The following HDAC9 variants were observed in gnomAD, a reference collection of about 807,000 sequenced individuals.
HDAC9 encodes MEF-2 interacting transcription repressor (MITR) protein.
In HDAC9, 41 loss-of-function variants were observed where a neutral mutation model predicts 139.4. The ratio of observed to expected loss-of-function variants is 0.29; its 90% CI spans 0.23 to 0.38. The LOEUF (loss-of-function observed/expected upper bound fraction) is 0.38. Ranked by LOEUF, HDAC9 falls within the 10% of genes least tolerant of loss-of-function variation. The probability of loss-of-function intolerance (pLI) is 1.00; values close to 1 mark genes in which losing one functional copy is unlikely to be tolerated. For synonymous variants in HDAC9, 517 were observed against 476.2 expected (o/e 1.09, Z -1.12); for missense variants, 1,147 against 1,297.0 (o/e 0.88, Z 1.78).
chr7:18,810,210 AAAC>A (rs1011682045), intron 17 of HDAC9, among the ~76,000 whole-genome samples: 35 of 151,918 alleles, frequency 2.3e-4, no homozygotes, highest in African/African-American at 8.4e-4. Flanking sequence ...ATGGAATTAA[AAAC>A]AACAACAATA....
intron 2 of HDAC9, among the ~76,000 whole-genome samples, chr7:18,247,306 C>G (rs1457298321): frequency 6.6e-6 from 1 of 151,744 alleles, no homozygotes; most frequent in Non-Finnish European, 1.5e-5. Flanking sequence ...GTGGTGAGCA[C>G]TGGGGCATAT....
chr7:18,183,409 C>G (rs555570850), intron 2 of HDAC9, among the ~76,000 whole-genome samples: 2 of 152,328 alleles, frequency 1.3e-5, no homozygotes, highest in East Asian at 1.9e-4. Flanking sequence ...ATTCTACATA[C>G]ATAATAATTA....
At chr7:18,670,152 C>A (rs1250239648) in intron 12 of HDAC9, among the ~76,000 whole-genome samples, 2 of 151,726 alleles carry the variant, frequency 1.3e-5, no homozygotes, top group African/African-American at 4.8e-5. Flanking sequence ...TGAAGGTTTA[C>A]AATGATAAAT....
At chr7:18,244,759 C>T (rs4478466) in intron 2 of HDAC9, among the ~76,000 whole-genome samples, 9 of 152,084 alleles carry the variant, frequency 5.9e-5, no homozygotes, top group African/African-American at 2.2e-4. Flanking sequence ...GATCACACCA[C>T]TGCACTCCAG....
At chr7:18,192,015 A>AG (rs1584553376) in intron 2 of HDAC9, among the ~76,000 whole-genome samples, 1 of 152,176 alleles carries the variant, frequency 6.6e-6, no homozygotes, top group East Asian at 1.9e-4. Flanking sequence ...CTAGAAAAAA[A>AG]CCCTTAATTG....
intron 1 of HDAC9, among the ~76,000 whole-genome samples, chr7:18,401,974 G>A (rs887201273): frequency 1.1e-4 from 16 of 152,048 alleles, no homozygotes; most frequent in Admixed American, 2.0e-4. Context: ...CTGCTTTGTG[G>A]CACTTCTCAT....
chr7:18,518,914 T>TCA (rs1804083716), intron 2 of HDAC9, among the ~76,000 whole-genome samples: 2 of 152,198 alleles, frequency 1.3e-5, no homozygotes, highest in Non-Finnish European at 2.9e-5. Flanking sequence ...CAAAATGAAA[T>TCA]CAAACGTGTA....
chr7:18,189,566 C>A (rs1790183880), intron 2 of HDAC9, among the ~76,000 whole-genome samples: 1 of 152,142 alleles, frequency 6.6e-6, no homozygotes, highest in South Asian at 2.1e-4. Flanking sequence ...GAGCCAGAAT[C>A]TGCAAGGATT....
chr7:18,886,273 G>C (rs1800143573), intron 22 of HDAC9, among the ~76,000 whole-genome samples: 1 of 152,230 alleles, frequency 6.6e-6, no homozygotes, highest in Admixed American at 6.5e-5. Flanking sequence ...AGTTACTGAT[G>C]TCATGAAACA....
intron 22 of HDAC9, among the ~76,000 whole-genome samples, chr7:18,891,182 C>G (rs753723047): frequency 6.6e-6 from 1 of 152,174 alleles, no homozygotes; most frequent in Non-Finnish European, 1.5e-5. Context: ...ACAGCACTTT[C>G]CTTATGCACA....
At chr7:18,877,364 G>C (rs1434879461) in intron 22 of HDAC9, among the ~76,000 whole-genome samples, 1 of 152,136 alleles carries the variant, frequency 6.6e-6, no homozygotes, top group African/African-American at 2.4e-5. Context: ...GACTTTCACT[G>C]TCTTGTTCAG....
At chr7:18,565,652 A>G (rs888342558) in intron 2 of HDAC9, among the ~76,000 whole-genome samples, 2 of 152,164 alleles carry the variant, frequency 1.3e-5, no homozygotes, top group Admixed American at 6.5e-5. Flanking sequence ...AAGAAAAAAA[A>G]GGGTGGGGAA....
intron 6 of HDAC9, among the ~76,000 whole-genome samples, chr7:18,613,805 T>A (rs1837832755): frequency 1.3e-5 from 2 of 152,110 alleles, no homozygotes; most frequent in South Asian, 4.1e-4. Flanking sequence ...AATCCTGAAA[T>A]CTGTGCATTT....
chr7:18,214,466 T>G (rs540430738), intron 2 of HDAC9, among the ~76,000 whole-genome samples: 1 of 152,228 alleles, frequency 6.6e-6, no homozygotes, highest in Admixed American at 6.5e-5. Context: ...AAGAGTCTGA[T>G]CTCTCTCATC....
intron 22 of HDAC9, among the ~76,000 whole-genome samples, chr7:18,885,559 CTA>C (rs1800078911): frequency 6.6e-6 from 1 of 152,104 alleles, no homozygotes; most frequent in African/African-American, 2.4e-5. Flanking sequence ...AATTAAGTAA[CTA>C]TGCTTAAGTC....
In HDAC9 at chr7:18,998,220, T is replaced by C. The variant is rs1020249636; in HGVS notation, c.*2158T>C. ...AATCTCTGTCATTACTTTTTAGTCC[T>C]CCCAGATATTTTTTTAGTTGTTGAA... On this transcript the variant is annotated 3_prime_UTR_variant, in exon 26 of 26. Coordinates refer to ENST00000686413, the MANE Select transcript of HDAC9 (RefSeq NM_178425.4). 1.0e-5 allele frequency: 1 copy of C among 98,844 alleles called. No individual in the cohort carries two copies. The highest frequency in any genetic ancestry group is 7.0e-5 in the African/African-American group (1 of 14,324). 6.1% of individuals were successfully genotyped at this position (98,844 alleles called of 1,614,324 possible). A position where few individuals can be genotyped will look rare whatever the true frequency, so the allele number is the denominator to read the frequency against.
intron 2 of HDAC9, among the ~76,000 whole-genome samples, chr7:18,261,555 G>T: frequency 6.6e-6 from 1 of 152,134 alleles, no homozygotes; most frequent in East Asian, 1.9e-4. Context: ...AATGGGAAGG[G>T]TTCTTATCTT....
At chr7:18,252,601 C>T (rs1023590762) in intron 2 of HDAC9, among the ~76,000 whole-genome samples, 2 of 152,112 alleles carry the variant, frequency 1.3e-5, no homozygotes, top group African/African-American at 2.4e-5. Flanking sequence ...TTTTTTAACA[C>T]TTTGAATGTA....
intron 2 of HDAC9, among the ~76,000 whole-genome samples, chr7:18,533,758 CT>C (rs1809874358): frequency 6.6e-6 from 1 of 151,944 alleles, no homozygotes; most frequent in Admixed American, 6.6e-5. Context: ...ACTTCTTCTC[CT>C]TTGTGTTCTC....
Sources: allele counts gnomAD v4.1 joint callset (sites outside exome capture counted in the v4.1 genomes callset), GRCh38; gene constraint gnomAD v4.1.1; transcripts MANE v1.5; gene names NCBI Gene and HGNC (gene_info 2026-07-23, HGNC 2026-07-21).